The following SND1 variants were observed in gnomAD, a reference collection of about 807,000 sequenced individuals.
SND1 encodes staphylococcal nuclease and tudor domain containing 1.
SND1 carries 38 observed loss-of-function variants against 121.7 expected under a neutral mutation model. That is an observed-to-expected ratio of 0.31 (90% CI 0.24 to 0.41). The LOEUF (loss-of-function observed/expected upper bound fraction) is 0.41, where lower values mean the gene tolerates loss of function less well. Among genes scored for constraint, SND1 ranks in the 10% least tolerant of loss-of-function variants. The pLI is 1.00. For synonymous variants in SND1, 401 were observed against 447.4 expected, an observed-to-expected ratio of 0.90 and a Z score of 1.31; for missense variants, 868 against 1,184.6, an observed-to-expected ratio of 0.73 and a Z score of 3.92.
intron 11 of SND1, among the ~76,000 whole-genome samples, chr7:127,839,437 C>T (rs935858642): frequency 1.2e-4 from 19 of 152,120 alleles, no homozygotes; most frequent in African/African-American, 4.6e-4. Context: ...AGTTGTTTTC[C>T]TTCCTACCTC....
chr7:127,841,742 A>C (rs1205528713), intron 11 of SND1, among the ~76,000 whole-genome samples: 1 of 152,040 alleles, frequency 6.6e-6, no homozygotes, highest in Non-Finnish European at 1.5e-5. Context: ...AAGTATTAAA[A>C]ACCTTTTTGT....
At chr7:128,088,270 C>A (rs1449094432) in intron 21 of SND1, among the ~76,000 whole-genome samples, 3 of 128,496 alleles carry the variant, frequency 2.3e-5, no homozygotes, top group African/African-American at 8.9e-5. Context: ...CATAGCAAGA[C>A]CCTGTCTCTA....
At chr7:128,081,672 C>T (rs1287217767) in intron 18 of SND1, among the ~76,000 whole-genome samples, 171 bp downstream of exon 18, 1 of 152,234 alleles carries the variant, frequency 6.6e-6, no homozygotes, top group African/African-American at 2.4e-5. Context: ...CCCACTGCTC[C>T]TCTGGGCTTG....
intron 9 of SND1, among the ~76,000 whole-genome samples, chr7:127,715,708 C>T (rs925038439): frequency 1.3e-5 from 2 of 152,166 alleles, no homozygotes; most frequent in Non-Finnish European, 2.9e-5. Flanking sequence ...CTTTGTTACA[C>T]AAAATTTTCA....
intron 12 of SND1, among the ~76,000 whole-genome samples, chr7:127,853,170 G>T (rs1799204020): frequency 6.6e-6 from 1 of 152,030 alleles, no homozygotes; most frequent in East Asian, 1.9e-4. Context: ...GAGGCTCTCT[G>T]GTAGAGAGCT....
intron 11 of SND1, among the ~76,000 whole-genome samples, chr7:127,842,011 GATT>G: frequency 6.6e-6 from 1 of 152,304 alleles, no homozygotes; most frequent in South Asian, 2.1e-4. Context: ...TCTAAAGCAT[GATT>G]CAATGGAGTG....
intron 10 of SND1, among the ~76,000 whole-genome samples, chr7:127,771,004 G>A (rs1029840602): frequency 6.6e-6 from 1 of 152,202 alleles, no homozygotes; most frequent in Non-Finnish European, 1.5e-5. Context: ...GCTAAAGCAT[G>A]TGACTGGTCA....
chr7:127,994,412 A>C (rs1489860047), intron 16 of SND1, among the ~76,000 whole-genome samples: 1 of 151,998 alleles, frequency 6.6e-6, no homozygotes, highest in Non-Finnish European at 1.5e-5. Flanking sequence ...ATTCCAACTC[A>C]GTGGTCTGGG....
chr7:128,053,897 T>C (rs1793091293), intron 16 of SND1, among the ~76,000 whole-genome samples: 1 of 152,306 alleles, frequency 6.6e-6, no homozygotes, highest in Non-Finnish European at 1.5e-5. Flanking sequence ...ACCCCAGGCC[T>C]GTGGAGTGCA....
chr7:127,989,417 C>T (rs1211157487), intron 15 of SND1, among the ~76,000 whole-genome samples: 1 of 152,150 alleles, frequency 6.6e-6, no homozygotes, highest in Non-Finnish European at 1.5e-5. Context: ...TAGCCTATTC[C>T]CTTTTTTCTG....
At chr7:127,900,432 A>C (rs1457708307) in intron 13 of SND1, among the ~76,000 whole-genome samples, 1 of 152,208 alleles carries the variant, frequency 6.6e-6, no homozygotes, top group Admixed American at 6.5e-5. Flanking sequence ...TTTCTGGATG[A>C]ACTAGAGACT....
chr7:128,047,907 G>A (rs1310139723), intron 16 of SND1, among the ~76,000 whole-genome samples: 1 of 152,024 alleles, frequency 6.6e-6, no homozygotes, highest in Non-Finnish European at 1.5e-5. Context: ...GAGTGCAATG[G>A]TGTGATCTCG....
intron 1 of SND1, among the ~76,000 whole-genome samples, chr7:127,653,295 T>C (rs1427774351): frequency 7.9e-5 from 12 of 152,214 alleles, no homozygotes; most frequent in Non-Finnish European, 1.8e-4. Context: ...ATAATATAAA[T>C]TCAGTTTATC....
chr7:127,956,905 G>C (rs1801607968), intron 15 of SND1, among the ~76,000 whole-genome samples: 1 of 152,046 alleles, frequency 6.6e-6, no homozygotes, highest in Non-Finnish European at 1.5e-5. Context: ...AGAATATAAA[G>C]TTCATGGAGG....
intron 10 of SND1, among the ~76,000 whole-genome samples, chr7:127,757,969 C>T (rs1350715059): frequency 6.6e-6 from 1 of 152,188 alleles, no homozygotes; most frequent in Admixed American, 6.5e-5. Flanking sequence ...GTTGATGCTC[C>T]TGCCATGCTG....
intron 11 of SND1, among the ~76,000 whole-genome samples, chr7:127,820,194 A>ATGTG: frequency 6.6e-6 from 1 of 152,242 alleles, no homozygotes; most frequent in South Asian, 2.1e-4. Context: ...TTTTTCTAAG[A>ATGTG]TGTGTGGTTC....
At chr7:127,668,003 GA>G (rs1795450595) in intron 1 of SND1, among the ~76,000 whole-genome samples, 1 of 152,100 alleles carries the variant, frequency 6.6e-6, no homozygotes, top group African/African-American at 2.4e-5. Context: ...CTCAGGGGAA[GA>G]AAAATGACTC....
intron 16 of SND1, chr7:128,028,827 A>T: frequency 6.2e-7 from 1 of 1,614,162 alleles, no homozygotes; most frequent in Non-Finnish European, 8.5e-7. Context: ...GTTGTAGTTA[A>T]TATGGTCATG....
In SND1 at chr7:127,732,659, A is replaced by G. The variant is rs1186763026; in HGVS notation, c.1152+11259A>G. Among the ~76,000 whole-genome samples the G allele has an allele frequency of 5.9e-5, 9 of 152,380 alleles. No homozygotes were observed. The East Asian group carries it at 1.7e-3, about 29-fold the overall frequency. Reference sequence around the variant, plus strand: ...TGTATTCTAGTTTTCTTGAGCAACCACATTTAAGCTGCTTATTAAATACAA... The same window carrying G: ...TGTATTCTAGTTTTCTTGAGCAACCGCATTTAAGCTGCTTATTAAATACAA... On this transcript the variant is annotated intron_variant, in intron 10 of 23. Transcript: ENST00000354725.
Sources: gnomAD v4.1 joint callset for allele counts (sites outside exome capture counted in the v4.1 genomes callset) on GRCh38, gnomAD v4.1.1 for gene constraint, MANE v1.5 for transcripts, NCBI Gene and HGNC (gene_info 2026-07-23, HGNC 2026-07-21) for gene names.